Variants in LRRC19 observed in about 807,000 individuals in gnomAD.
LRRC19 encodes the protein leucine-rich repeat-containing protein 19.
Under a neutral mutation model 33.3 loss-of-function variants are expected in LRRC19, and 33 were observed. The ratio of observed to expected loss-of-function variants is 0.99; its 90% CI spans 0.75 to 1.33. The LOEUF (loss-of-function observed/expected upper bound fraction) is 1.33. LRRC19 is among the 40% of genes most tolerant of loss of function. LRRC19 has a pLI of 0.00. For synonymous variants in LRRC19, 184 were observed against 152.3 expected (o/e 1.21, Z -1.53); for missense variants, 463 against 417.3 (o/e 1.11, Z -0.95).
intron 1 of LRRC19, 56 bp from the exon 2 acceptor site, chr9:26,999,759 A>ATAT: frequency 9.2e-7 from 1 of 1,083,302 alleles, no homozygotes; most frequent in Non-Finnish European, 1.3e-6. Flanking sequence ...CCTCTTTTGA[A>ATAT]TCTGTTTATT....
rs1297087248 is a variant in LRRC19, at chr9:27,005,398, CTTTA to C, written c.-10+190_-10+193del. ...ACAATTACTTAGTATTGTATTCTAA[CTTTA>C]TTTAGGAAAGACCCTTTGGCCATGT... On this transcript the variant is annotated intron_variant, in intron 1 of 4. Transcript: ENST00000380055. 3.6e-5 allele frequency among the ~76,000 whole-genome samples: 4 copies of C among 112,252 alleles called. No individual in the cohort carries two copies. In the Admixed American group the frequency reaches 5.5e-4, roughly 16 times the overall value. The allele number at this position is 112,252 out of a possible 152,430, so 73.6% of individuals were successfully genotyped here.
chr9:26,997,679 G>A, intron 3 of LRRC19, 49 bp downstream of exon 3: 4 of 1,524,784 alleles, frequency 2.6e-6, no homozygotes, highest in Middle Eastern at 2.2e-4. Context: ...TTCTGTGGTG[G>A]AACATTGAGT....
chr9:26,995,941 G>T, intron 4 of LRRC19, 92 bp from the exon 5 acceptor site: 6 of 867,396 alleles, frequency 6.9e-6, no homozygotes, highest in South Asian at 2.4e-5. Context: ...CCTCAATATT[G>T]GTATTAAAAA....
At position 26,995,552 on chromosome 9, in the gene LRRC19, A is replaced by G. The variant is rs1158456520; in HGVS notation, c.1082T>C (p.Ile361Thr). The change falls in exon 5 of 5, where the codon ATA becomes ACA. Residue 361 changes from isoleucine to threonine, a missense_variant. Ile to Thr is a moderately conservative substitution (Grantham distance 89). Coordinates refer to ENST00000380055, the MANE Select transcript of LRRC19 (RefSeq NM_022901.3). ...DDDGFIEDKY[I>T]DIHELCEEN Reference sequence around the variant, plus strand: ...TTCTTCACATAATTCATGGATATCTATATATTTGTCTTCAATAAATCCATC... The same window carrying G: ...TTCTTCACATAATTCATGGATATCTGTATATTTGTCTTCAATAAATCCATC... 1.9e-6 allele frequency: 3 copies of G among 1,591,382 alleles called. No homozygotes were observed. Among genetic ancestry groups the G allele is most frequent in the South Asian group, 1.1e-5 (1 of 89,550 alleles).
intron 2 of LRRC19, 29 bp downstream of exon 2, chr9:26,999,585 T>C (rs910966502): frequency 2.7e-6 from 4 of 1,469,810 alleles, no homozygotes; most frequent in African/African-American, 1.4e-5. Context: ...TTTGAAAATA[T>C]TTTTACTATT....
chr9:27,002,937 T>A (rs1275573229), intron 1 of LRRC19, among the ~76,000 whole-genome samples: 2 of 152,208 alleles, frequency 1.3e-5, no homozygotes, highest in African/African-American at 2.4e-5. Flanking sequence ...TATTTCCATT[T>A]TTTTTTGTAT....
chr9:26,999,197 G>C (rs1828339382), intron 2 of LRRC19, among the ~76,000 whole-genome samples: 1 of 152,102 alleles, frequency 6.6e-6, no homozygotes, highest in East Asian at 1.9e-4. Context: ...AATAGTTCTT[G>C]TTTTTACTGA....
At chr9:27,000,322 A>G (rs1260856794) in intron 1 of LRRC19, among the ~76,000 whole-genome samples, 1 of 152,228 alleles carries the variant, frequency 6.6e-6, no homozygotes, top group Non-Finnish European at 1.5e-5. Flanking sequence ...ATAGAAGTGC[A>G]CAAAAGAAAT....
chr9:26,998,166 C>CA lies in LRRC19; in HGVS notation c.156dup (p.Asp53Ter), dbSNP rs749865652. 2 of 1,595,606 alleles carry CA rather than the reference C, an allele frequency of 1.3e-6. No homozygotes were observed. The highest frequency in any genetic ancestry group is 1.7e-6 in the Non-Finnish European group (2 of 1,167,414). On this transcript the variant is annotated frameshift_variant, in exon 3 of 5. Coordinates refer to ENST00000380055, the MANE Select transcript of LRRC19 (RefSeq NM_022901.3). LOFTEE classifies it high-confidence loss of function. Reference sequence around the variant, plus strand: ...AGAGTAATTTGGTTATAACTGAGATCAAGTATAGTAACATCTTTCTTGATA... The same window carrying CA: ...AGAGTAATTTGGTTATAACTGAGATCAAAGTATAGTAACATCTTTCTTGATA...
intron 1 of LRRC19, among the ~76,000 whole-genome samples, chr9:27,002,877 G>A (rs1431982530): frequency 6.6e-6 from 1 of 151,926 alleles, no homozygotes; most frequent in Non-Finnish European, 1.5e-5. Context: ...AATTGCTTTG[G>A]TTAGTATTGA....
At chr9:27,003,015 A>G (rs1210618724) in intron 1 of LRRC19, among the ~76,000 whole-genome samples, 1 of 152,062 alleles carries the variant, frequency 6.6e-6, no homozygotes, top group African/African-American at 2.4e-5. Flanking sequence ...CATTGGTTAA[A>G]TTGATTCCAA....
chr9:26,996,449 T>C lies in LRRC19; in HGVS notation c.646A>G (p.Asn216Asp). 6.4e-7 allele frequency: 1 copy of C among 1,566,204 alleles called. No individual in the cohort carries two copies. The highest frequency in any genetic ancestry group is 8.7e-7 in the Non-Finnish European group (1 of 1,151,220). ...CSYPNSLQSY[N>D]IKTVPHKAEC... ...GCCTTATGAGGTACTGTTTTGATATTGTAGCTCTGCAGGCTGTTGGGGTAG... is the reference window on the plus strand; with the variant it reads ...GCCTTATGAGGTACTGTTTTGATATCGTAGCTCTGCAGGCTGTTGGGGTAG... Residue 216 changes from asparagine to aspartate, a missense_variant, in exon 4 of 5, where the codon AAT (asparagine) becomes GAT (aspartate). Coordinates refer to ENST00000380055, the MANE Select transcript of LRRC19 (RefSeq NM_022901.3).
intron 1 of LRRC19, among the ~76,000 whole-genome samples, chr9:27,002,512 A>T (rs1004535919): frequency 6.6e-6 from 1 of 152,190 alleles, no homozygotes; most frequent in African/African-American, 2.4e-5. Context: ...ATATATAGTT[A>T]TGCAGTTTTT....
chr9:26,998,726 G>A (rs1376569208), intron 2 of LRRC19, among the ~76,000 whole-genome samples: 1 of 152,026 alleles, frequency 6.6e-6, no homozygotes, highest in Non-Finnish European at 1.5e-5. Flanking sequence ...GCTCACGCCT[G>A]TAATCCCAGC....
At position 26,998,241 on chromosome 9, in the gene LRRC19, C is replaced by A. The variant is rs1477894511; in HGVS notation, c.82G>T (p.Glu28Ter). 2.9e-6 allele frequency: 4 copies of A among 1,403,280 alleles called. No homozygotes were observed. The highest frequency in any genetic ancestry group is 2.4e-5 in the East Asian group (1 of 41,172). The allele number at this position is 1,403,280 out of a possible 1,614,324, so 86.9% of individuals were successfully genotyped here. Residue 28 changes from glutamate (E) to a stop codon, truncating the protein, a stop_gained and splice_region_variant, in exon 3 of 5, where the codon GAA becomes TAA. Transcript: ENST00000380055. LOFTEE classifies it high-confidence loss of function. ...LSDKIQSSKR[E>*]VQCNFTEKNY... ...TTTTCAGTAAAATTACATTGGACTT[C>A]CTAGAAAAACAAAAAAAAGAAAGGC...
In LRRC19 at chr9:26,997,982, T is replaced by C. The variant is rs556021535; in HGVS notation, c.341A>G (p.Gln114Arg). The part of the protein sequence containing the change: ...ICRNSIYVIQ[Q>R]GAFLGLNKLK... Reference sequence around the variant, plus strand: ...TTTATTTAAGCCTAAAAATGCACCCTGTTGAATTACATAGATGGAGTTTCT... The same window carrying C: ...TTTATTTAAGCCTAAAAATGCACCCCGTTGAATTACATAGATGGAGTTTCT... The change falls in exon 3 of 5, where the codon CAG becomes CGG. Residue 114 changes from glutamine to arginine, a missense_variant. Gln to Arg is a conservative substitution (Grantham distance 43). Coordinates refer to ENST00000380055, the MANE Select transcript of LRRC19 (RefSeq NM_022901.3). 2.2e-5 allele frequency: 35 copies of C among 1,613,984 alleles called. No homozygotes were observed. The Admixed American group carries it at 4.5e-4, about 21-fold the overall frequency.
Position 26,998,235 on chromosome 9 carries a change from G to T in LRRC19, c.88C>A (p.Gln30Lys). The change falls in exon 3 of 5, where the codon CAA (glutamine) becomes AAA (lysine). Residue 30 changes from glutamine (Q) to lysine (K), a missense_variant. Coordinates refer to ENST00000380055, the MANE Select transcript of LRRC19 (RefSeq NM_022901.3). Reference sequence around the variant, plus strand: ...TAATTTTTTTCAGTAAAATTACATTGGACTTCCTAGAAAAACAAAAAAAAG... The same window carrying T: ...TAATTTTTTTCAGTAAAATTACATTTGACTTCCTAGAAAAACAAAAAAAAG... ...DKIQSSKREV[Q>K]CNFTEKNYTL... 7.0e-7 allele frequency: 1 copy of T among 1,432,174 alleles called. No homozygotes were observed. The highest frequency in any genetic ancestry group is 1.5e-5 in the South Asian group (1 of 65,664). 88.7% of individuals were successfully genotyped at this position (1,432,174 alleles called of 1,614,324 possible). A position where few individuals can be genotyped will look rare whatever the true frequency, so the allele number is the denominator to read the frequency against.
In LRRC19 at chr9:26,999,635, G is replaced by T. The variant is rs1197767520; in HGVS notation, c.60C>A (p.Asp20Glu). The change falls in exon 2 of 5, where the codon GAC becomes GAA. Residue 20 changes from aspartate (D) to glutamate (E), a missense_variant. Coordinates refer to ENST00000380055, the MANE Select transcript of LRRC19 (RefSeq NM_022901.3). The stretch of plus-strand genomic sequence containing the variant: ...TTACTCTTTTAGAAGACTGGATTTT[G>T]TCTGATAATAATATCATGGAGAGGG... ...FWPLSMILLS[D>E]KIQSSKREVQ... The T allele has an allele frequency of 1.2e-6, 2 of 1,606,632 alleles. No individual in the cohort carries two copies. The highest frequency in any genetic ancestry group is 1.7e-6 in the Non-Finnish European group (2 of 1,176,336).
At chr9:26,998,299 C>G in intron 2 of LRRC19, 58 bp from the exon 3 acceptor site, 1 of 1,055,596 alleles carries the variant, frequency 9.5e-7, no homozygotes. Context: ...AGAATTTCAC[C>G]AAATTTCATA....
Sources: gnomAD v4.1 joint callset for allele counts (sites outside exome capture counted in the v4.1 genomes callset) on GRCh38, gnomAD v4.1.1 for gene constraint, MANE v1.5 for transcripts, NCBI Gene and HGNC (gene_info 2026-07-23, HGNC 2026-07-21) for gene names.